Variants in THRB observed in about 807,000 individuals in gnomAD.
THRB encodes the protein nuclear receptor subfamily 1 group A member 2.
In THRB, 12 loss-of-function variants were observed where a neutral mutation model predicts 47.8. The ratio of observed to expected loss-of-function variants is 0.25; its 90% CI spans 0.16 to 0.41. The LOEUF is 0.41. Among genes scored for constraint, THRB ranks in the 10% least tolerant of loss-of-function variants. THRB has a pLI of 1.00. For missense variants in THRB, 348 were observed against 589.2 expected (o/e 0.59, Z 4.24); for synonymous variants, 218 against 212.2 (o/e 1.03, Z -0.24).
chr3:24,128,584 A>C (rs2033302740), intron 9 of THRB, among the ~76,000 whole-genome samples: 2 of 152,256 alleles, frequency 1.3e-5, no homozygotes, highest in South Asian at 4.1e-4. Context: ...ATTAAATGCC[A>C]TTATCAAAGG....
intron 3 of THRB, among the ~76,000 whole-genome samples, chr3:24,247,001 C>T (rs1473298642): frequency 6.6e-6 from 1 of 152,128 alleles, no homozygotes; most frequent in Non-Finnish European, 1.5e-5. Context: ...TTCTAAAATG[C>T]CAAAGAAATA....
intron 1 of THRB, chr3:24,348,606 T>G (rs2063171377): frequency 6.6e-6 from 1 of 152,158 alleles, no homozygotes; most frequent in Non-Finnish European, 1.5e-5. Flanking sequence ...GTGCTTTCCT[T>G]TCTAGGACCT....
At chr3:24,179,103 G>A (rs181205399) in intron 5 of THRB, among the ~76,000 whole-genome samples, 2 of 152,174 alleles carry the variant, frequency 1.3e-5, no homozygotes, top group African/African-American at 4.8e-5. Context: ...AGGACAATTG[G>A]TGGTGGCCTC....
intron 1 of THRB, among the ~76,000 whole-genome samples, chr3:24,362,518 C>T (rs184172426): frequency 6.6e-6 from 1 of 152,124 alleles, no homozygotes; most frequent in Non-Finnish European, 1.5e-5. Flanking sequence ...CTCTCCATAG[C>T]ACTTATCACC....
At chr3:24,316,024 CT>C (rs2058089909) in intron 2 of THRB, among the ~76,000 whole-genome samples, 1 of 152,106 alleles carries the variant, frequency 6.6e-6, no homozygotes, top group Admixed American at 6.6e-5. Flanking sequence ...TGTGACAGCT[CT>C]TGTTTGCTCC....
chr3:24,165,886 A>C (rs1317761274), intron 5 of THRB, among the ~76,000 whole-genome samples: 1 of 152,228 alleles, frequency 6.6e-6, no homozygotes, highest in African/African-American at 2.4e-5. Context: ...GATACAAAGA[A>C]AATCCTAAAA....
intron 2 of THRB, among the ~76,000 whole-genome samples, chr3:24,331,767 T>C (rs1271223804): frequency 3.3e-5 from 5 of 152,114 alleles, no homozygotes; most frequent in Admixed American, 2.6e-4. Context: ...TTGGTCAATT[T>C]ACTCTACAAA....
At position 24,146,820 on chromosome 3, in the gene THRB, A is replaced by T; in HGVS notation, c.387T>A (p.Gly129=). The T allele has an allele frequency of 5.6e-6, 9 of 1,613,772 alleles. No individual in the cohort carries two copies. Among genetic ancestry groups the T allele is most frequent in the Non-Finnish European group, 7.6e-6 (9 of 1,179,720 alleles). The change falls in exon 7 of 11, where the codon GGT becomes GGA. Residue 129 remains glycine (G), a splice_region_variant and synonymous_variant. Transcript: ENST00000646209. The part of the protein sequence containing the change: ...YRCITCEGCK[G]FFRRTIQKNL... ...TTTTCTGAATGGTTCTTCTAAAGAA[A>T]CCCTATATGAAAAACAAAGACCCAA...
At chr3:24,351,066 A>AT (rs11414285) in intron 1 of THRB, among the ~76,000 whole-genome samples, 24,521 of 150,814 alleles carry the variant, frequency 0.16, 2,105 homozygotes, top group East Asian at 0.29. Context: ...TATGTTATTC[A>AT]TTTTTTTTTC....
intron 3 of THRB, among the ~76,000 whole-genome samples, chr3:24,242,385 T>C (rs1475846373): frequency 2.0e-5 from 3 of 152,216 alleles, no homozygotes; most frequent in Non-Finnish European, 4.4e-5. Context: ...CAAGCATTTT[T>C]TTTTTCCTGC....
chr3:24,429,225 A>T lies in THRB; in HGVS notation c.-261+65427T>A, dbSNP rs141908446. 2.0e-3 allele frequency among the ~76,000 whole-genome samples: 302 copies of T among 150,914 alleles called. 6 individuals are homozygous for T. Among genetic ancestry groups the T allele is most frequent in the Admixed American group, 0.017 (250 of 15,048 alleles). On this transcript the variant is annotated intron_variant, in intron 1 of 10. Coordinates refer to ENST00000646209, the MANE Select transcript of THRB (RefSeq NM_001354712.2). ...AGGAGACATAAATATGTGATATATGATATGTGGTATTTGACATATATACTA... is the reference window on the plus strand; with the variant it reads ...AGGAGACATAAATATGTGATATATGTTATGTGGTATTTGACATATATACTA...
chr3:24,409,068 A>AT (rs1337158504), intron 1 of THRB, among the ~76,000 whole-genome samples: 20 of 151,870 alleles, frequency 1.3e-4, no homozygotes, highest in Admixed American at 7.2e-4. Flanking sequence ...ATCATTTTTT[A>AT]TTTATAGTCT....
intron 1 of THRB, among the ~76,000 whole-genome samples, chr3:24,470,773 T>C (rs2362187): frequency 0.52 from 78,874 of 151,720 alleles, 20,723 homozygotes; most frequent in African/African-American, 0.61. Flanking sequence ...CTTGCCACCA[T>C]GCCCGGCTAA....
intron 3 of THRB, among the ~76,000 whole-genome samples, chr3:24,249,175 T>C (rs1025140993): frequency 6.6e-6 from 1 of 152,148 alleles, no homozygotes; most frequent in African/African-American, 2.4e-5. Context: ...ATCCAAAGGA[T>C]AGTAGAGTAG....
chr3:24,123,172 G>C (rs748566897), intron 10 of THRB, 47 bp from the exon 11 acceptor site: 31 of 1,611,674 alleles, frequency 1.9e-5, no homozygotes, highest in African/African-American at 2.7e-5. Context: ...ATGGAAGGGG[G>C]AAGGCTTGCT....
chr3:24,211,619 G>C (rs2046034838), intron 4 of THRB, among the ~76,000 whole-genome samples: 1 of 152,132 alleles, frequency 6.6e-6, no homozygotes, highest in Non-Finnish European at 1.5e-5. Context: ...ATGAGCAGTG[G>C]GGATGCACTG....
At chr3:24,438,521 G>T (rs999933756) in intron 1 of THRB, among the ~76,000 whole-genome samples, 1 of 151,312 alleles carries the variant, frequency 6.6e-6, no homozygotes, top group South Asian at 2.1e-4. Context: ...GTGTGTGTGT[G>T]TGTGTGTGTG....
intron 9 of THRB, among the ~76,000 whole-genome samples, chr3:24,129,911 G>T (rs1160545552): frequency 2.6e-5 from 4 of 152,202 alleles, no homozygotes; most frequent in Admixed American, 2.6e-4. Context: ...GTGGGTTGGC[G>T]TGGATCTTAG....
At chr3:24,192,463 C>G (rs1331536067) in intron 4 of THRB, among the ~76,000 whole-genome samples, 2 of 152,126 alleles carry the variant, frequency 1.3e-5, no homozygotes, top group Non-Finnish European at 2.9e-5. Flanking sequence ...TTAAAGTTCT[C>G]AAACTATTTT....
Sources: allele counts gnomAD v4.1 joint callset (sites outside exome capture counted in the v4.1 genomes callset), GRCh38; gene constraint gnomAD v4.1.1; transcripts MANE v1.5; gene names NCBI Gene and HGNC (gene_info 2026-07-23, HGNC 2026-07-21).